The following SNTG1 variants were observed in gnomAD, a reference collection of about 807,000 sequenced individuals.
The protein encoded by SNTG1 is syntrophin gamma 1, also known as gamma-1-syntrophin.
Under a neutral mutation model 74.7 loss-of-function variants are expected in SNTG1, and 39 were observed. The ratio of observed to expected loss-of-function variants is 0.52; its 90% CI spans 0.40 to 0.68. SNTG1 has a LOEUF of 0.68. Among genes scored for constraint, SNTG1 ranks in the 30% least tolerant of loss-of-function variants. The probability of loss-of-function intolerance (pLI) is 0.00; values close to 1 mark genes in which losing one functional copy is unlikely to be tolerated. For synonymous variants in SNTG1, 254 were observed against 217.1 expected, an observed-to-expected ratio of 1.17 and a Z score of -1.49; for missense variants, 685 against 609.5, an observed-to-expected ratio of 1.12 and a Z score of -1.30.
chr8:49,930,119 G>A (rs1807428555), intron 1 of SNTG1, among the ~76,000 whole-genome samples: 1 of 151,924 alleles, frequency 6.6e-6, no homozygotes, highest in South Asian at 2.1e-4. Context: ...ATACTAAATA[G>A]CCAAGAAAAA....
chr8:50,034,355 T>G (rs778831388), intron 1 of SNTG1, among the ~76,000 whole-genome samples: 16 of 152,394 alleles, frequency 1.0e-4, no homozygotes, highest in Non-Finnish European at 1.9e-4. Context: ...TTTCTTAGAC[T>G]TGTTAACTGG....
At chr8:50,094,390 C>T (rs1029433635) in intron 1 of SNTG1, among the ~76,000 whole-genome samples, 1 of 152,024 alleles carries the variant, frequency 6.6e-6, no homozygotes, top group African/African-American at 2.4e-5. Context: ...AGAGAGGAAA[C>T]ACACAGTCTT....
At chr8:50,165,927 A>T (rs1367932743) in intron 1 of SNTG1, among the ~76,000 whole-genome samples, 1 of 150,544 alleles carries the variant, frequency 6.6e-6, no homozygotes, top group Non-Finnish European at 1.5e-5. Context: ...ACAGAGATAT[A>T]GATCAATGGA....
intron 18 of SNTG1, among the ~76,000 whole-genome samples, chr8:50,772,687 G>A (rs1040443772): frequency 1.3e-5 from 2 of 152,196 alleles, no homozygotes; most frequent in Non-Finnish European, 2.9e-5. Flanking sequence ...TTGTTCCTCT[G>A]AAACTCATGT....
intron 11 of SNTG1, among the ~76,000 whole-genome samples, chr8:50,545,388 G>T (rs1294353071): frequency 6.6e-5 from 10 of 150,716 alleles, no homozygotes; most frequent in East Asian, 5.8e-4. Context: ...GTTAAAATTG[G>T]CTGGTCTTTT....
At chr8:49,971,521 T>C (rs1028505703) in intron 1 of SNTG1, among the ~76,000 whole-genome samples, 1 of 152,044 alleles carries the variant, frequency 6.6e-6, no homozygotes, top group Non-Finnish European at 1.5e-5. Flanking sequence ...CCAGGGCAAA[T>C]AGGCAGAAGA....
intron 1 of SNTG1, among the ~76,000 whole-genome samples, chr8:50,107,780 A>T (rs2080434893): frequency 6.6e-6 from 1 of 152,040 alleles, no homozygotes; most frequent in Non-Finnish European, 1.5e-5. Flanking sequence ...CGAACTCCTG[A>T]CCTCAAGTGA....
intron 2 of SNTG1, among the ~76,000 whole-genome samples, chr8:50,355,239 T>C (rs2091784327): frequency 6.9e-6 from 1 of 144,386 alleles, no homozygotes; most frequent in East Asian, 1.9e-4. Flanking sequence ...CACTTGGAAA[T>C]TAAATAATTA....
At chr8:50,627,662 T>C (rs1439010044) in intron 13 of SNTG1, among the ~76,000 whole-genome samples, 2 of 152,230 alleles carry the variant, frequency 1.3e-5, no homozygotes, top group East Asian at 3.8e-4. Flanking sequence ...TTTGATTAAT[T>C]TGCTAGAGCA....
intron 2 of SNTG1, among the ~76,000 whole-genome samples, chr8:50,287,728 C>T (rs1415528602): frequency 6.6e-6 from 1 of 152,188 alleles, no homozygotes; most frequent in African/African-American, 2.4e-5. Context: ...AATCCATACT[C>T]CTGAGTAGGC....
At chr8:50,520,790 T>A (rs537674217) in intron 9 of SNTG1, among the ~76,000 whole-genome samples, 1 of 152,110 alleles carries the variant, frequency 6.6e-6, no homozygotes, top group African/African-American at 2.4e-5. Flanking sequence ...TGGAGAGGAT[T>A]TGGAGAAATA....
intron 15 of SNTG1, among the ~76,000 whole-genome samples, chr8:50,703,054 T>C (rs1213955315): frequency 6.6e-6 from 1 of 152,220 alleles, no homozygotes; most frequent in African/African-American, 2.4e-5. Context: ...AGGATGTTAC[T>C]ATACAGCACT....
intron 2 of SNTG1, among the ~76,000 whole-genome samples, chr8:50,291,242 ATG>A (rs35700232): frequency 0.53 from 79,647 of 149,056 alleles, 22,973 homozygotes; most frequent in East Asian, 0.82. Flanking sequence ...AGACAGACAT[ATG>A]TGTGTGTGTG....
intron 2 of SNTG1, among the ~76,000 whole-genome samples, chr8:50,250,898 G>T (rs2086618084): frequency 2.0e-5 from 3 of 151,980 alleles, no homozygotes; most frequent in Admixed American, 6.6e-5. Flanking sequence ...ACAAAACTCA[G>T]CAGTATAGGT....
intron 15 of SNTG1, among the ~76,000 whole-genome samples, chr8:50,681,901 GAC>G (rs2095332382): frequency 6.6e-6 from 1 of 152,154 alleles, no homozygotes; most frequent in Admixed American, 6.6e-5. Flanking sequence ...TGACTCTGCA[GAC>G]ACACACCTCA....
intron 1 of SNTG1, among the ~76,000 whole-genome samples, chr8:50,086,990 A>G (rs1822948296): frequency 6.6e-6 from 1 of 152,284 alleles, no homozygotes; most frequent in Non-Finnish European, 1.5e-5. Flanking sequence ...CACACTTCTA[A>G]GGCAAGGTCA....
chr8:50,038,872 G>A lies in SNTG1; in HGVS notation c.-103+126641G>A, dbSNP rs1229425570. ...ACACTGAGTAAGCAGAGTGTCTTCC[G>A]TACATTTCACTTTGGTTAATCAGGT... On this transcript the variant is annotated intron_variant, in intron 1 of 18. Coordinates refer to ENST00000642720, the MANE Select transcript of SNTG1 (RefSeq NM_018967.5). Among the ~76,000 whole-genome samples, 6 of 152,198 alleles carry A rather than the reference G, an allele frequency of 3.9e-5. No individual in the cohort carries two copies. In the East Asian group the frequency reaches 7.8e-4, roughly 20 times the overall value.
At chr8:50,413,623 A>T (rs781680974) in intron 4 of SNTG1, among the ~76,000 whole-genome samples, 1 of 152,196 alleles carries the variant, frequency 6.6e-6, no homozygotes, top group Non-Finnish European at 1.5e-5. Context: ...TATTTCTTCA[A>T]TTCTGAAGAA....
At chr8:50,074,957 C>G (rs554028902) in intron 1 of SNTG1, among the ~76,000 whole-genome samples, 1 of 152,210 alleles carries the variant, frequency 6.6e-6, no homozygotes, top group Non-Finnish European at 1.5e-5. Context: ...ACACTTGGAG[C>G]GGCCTGCCGG....
Sources: gnomAD v4.1 joint callset for allele counts (sites outside exome capture counted in the v4.1 genomes callset) on GRCh38, gnomAD v4.1.1 for gene constraint, MANE v1.5 for transcripts, NCBI Gene and HGNC (gene_info 2026-07-23, HGNC 2026-07-21) for gene names.